LIN7A: variants seen among roughly 807,000 people sequenced by gnomAD.
The protein encoded by LIN7A is lin-7 cell polarity scaffold A.
Under a neutral mutation model 29.8 loss-of-function variants are expected in LIN7A, and 25 were observed. The observed-to-expected ratio is 0.84, with a 90% CI of 0.61 to 1.17. LIN7A has a LOEUF of 1.17. Ranked by LOEUF, LIN7A falls within the 50% of genes most tolerant of loss-of-function variation. LIN7A has a pLI of 0.00. For synonymous variants in LIN7A, 118 were observed against 107.5 expected (o/e 1.10, Z -0.60); for missense variants, 239 against 287.0 (o/e 0.83, Z 1.21).
chr12:80,811,222 A>G (rs963611007), intron 5 of LIN7A, among the ~76,000 whole-genome samples: 4 of 152,166 alleles, frequency 2.6e-5, no homozygotes, highest in Non-Finnish European at 4.4e-5. Flanking sequence ...TTTCCAAATT[A>G]TCTTATATTT....
chr12:80,880,751 G>GCACACACACA (rs202207302), intron 2 of LIN7A, among the ~76,000 whole-genome samples: 15 of 136,262 alleles, frequency 1.1e-4, no homozygotes, highest in African/African-American at 2.4e-4. Context: ...AGGAGGCAAC[G>GCACACACACA]CACACACACA....
intron 3 of LIN7A, chr12:80,848,043 C>G: frequency 1.5e-6 from 1 of 666,918 alleles, no homozygotes; most frequent in Admixed American, 2.1e-5. Flanking sequence ...AAATCATTCT[C>G]CTTTCTTAAG....
At chr12:80,924,280 A>G (rs985178810) in intron 1 of LIN7A, among the ~76,000 whole-genome samples, 3 of 152,314 alleles carry the variant, frequency 2.0e-5, no homozygotes, top group Middle Eastern at 3.4e-3. Context: ...TGGAGAGGGT[A>G]GCAATATTCA....
At chr12:80,891,694 A>T (rs1038849898) in intron 1 of LIN7A, among the ~76,000 whole-genome samples, 2 of 152,134 alleles carry the variant, frequency 1.3e-5, no homozygotes, top group East Asian at 3.9e-4. Context: ...TTGTCCATGG[A>T]TGTATAACAA....
Position 80,796,094 on chromosome 12 carries a change from G to C in LIN7A, c.*1633C>G, listed in dbSNP as rs1189884881. 4 of 152,168 alleles carry C rather than the reference G, an allele frequency of 2.6e-5. No homozygotes were observed. Among genetic ancestry groups the C allele is most frequent in the Non-Finnish European group, 5.9e-5 (4 of 68,000 alleles). 9.4% of individuals were successfully genotyped at this position (152,168 alleles called of 1,614,324 possible). ...CACCCAACAGGGCATAATAAAATGT[G>C]CTGGGTAGTTTTGATTGGTTTTGTT... On this transcript the variant is annotated 3_prime_UTR_variant, in exon 6 of 6. Coordinates refer to ENST00000552864, the MANE Select transcript of LIN7A (RefSeq NM_004664.4).
rs1870506056 is a variant in LIN7A, at chr12:80,797,513, TCA to T, written c.*212_*213del. 6.6e-6 allele frequency: 1 copy of T among 152,598 alleles called. No homozygotes were observed. Among genetic ancestry groups the T allele is most frequent in the Non-Finnish European group, 1.5e-5 (1 of 68,042 alleles). The allele number at this position is 152,598 out of a possible 1,614,324, so 9.5% of individuals were successfully genotyped here. ...AATTCCCACTGCAGTGAATGGAAGG[TCA>T]ATGTATGTAAAGCCCACGTGAGCAG... On this transcript the variant is annotated 3_prime_UTR_variant, in exon 6 of 6. Coordinates refer to ENST00000552864, the MANE Select transcript of LIN7A (RefSeq NM_004664.4).
At chr12:80,899,869 G>A (rs1369976243) in intron 1 of LIN7A, among the ~76,000 whole-genome samples, 3 of 143,132 alleles carry the variant, frequency 2.1e-5, no homozygotes, top group East Asian at 2.2e-4. Flanking sequence ...CCAGGTTCAC[G>A]CCATTCTCCT....
chr12:80,936,367 C>G (rs1878216554), intron 1 of LIN7A: 1 of 152,236 alleles, frequency 6.6e-6, no homozygotes. Flanking sequence ...TTAAAGTCAC[C>G]CACAGTCTCT....
chr12:80,808,715 CA>C (rs1187343613), intron 5 of LIN7A, among the ~76,000 whole-genome samples: 2 of 151,972 alleles, frequency 1.3e-5, no homozygotes, highest in African/African-American at 4.8e-5. Context: ...CCATGTTAGC[CA>C]GGATGGTCTT....
chr12:80,811,559 AG>A lies in LIN7A; in HGVS notation c.607del (p.Leu203TyrfsTer13). ...CTGCTGCCGACGCCTGGCTGTTCGT[AG>A]CTTTTCAAAGCGAGCCTCCATTTCT... is the stretch of plus-strand genomic sequence containing the variant. ...LEEMEARFEK[L>X]RTARRRQQQQ... On this transcript the variant is annotated frameshift_variant, in exon 5 of 6. Coordinates refer to ENST00000552864, the MANE Select transcript of LIN7A (RefSeq NM_004664.4). LOFTEE classifies it high-confidence loss of function. The A allele has an allele frequency of 6.2e-7, 1 of 1,613,974 alleles. No homozygotes were observed. Among genetic ancestry groups the A allele is most frequent in the Non-Finnish European group, 8.5e-7 (1 of 1,179,994 alleles).
chr12:80,806,072 T>C (rs1165317641), intron 5 of LIN7A, among the ~76,000 whole-genome samples: 1 of 151,684 alleles, frequency 6.6e-6, no homozygotes, highest in Non-Finnish European at 1.5e-5. Context: ...AGAGAGACTC[T>C]GTATTAAAAA....
intron 2 of LIN7A, among the ~76,000 whole-genome samples, chr12:80,880,945 A>G (rs1301722641): frequency 2.6e-5 from 4 of 152,182 alleles, no homozygotes; most frequent in African/African-American, 9.7e-5. Flanking sequence ...CCAGAGTTCA[A>G]GAGTAGGTTC....
intron 4 of LIN7A, among the ~76,000 whole-genome samples, chr12:80,825,908 T>C (rs565549258): frequency 6.6e-6 from 1 of 152,324 alleles, no homozygotes; most frequent in African/African-American, 2.4e-5. Context: ...CCAGGCAATT[T>C]AATATAAAAC....
chr12:80,900,079 C>A (rs1592935772), intron 1 of LIN7A, among the ~76,000 whole-genome samples: 1 of 152,010 alleles, frequency 6.6e-6, no homozygotes, highest in African/African-American at 2.4e-5. Flanking sequence ...TACTCTCTGA[C>A]GGGTTTTTGT....
At chr12:80,925,872 C>T (rs779353603) in intron 1 of LIN7A, among the ~76,000 whole-genome samples, 46 of 152,218 alleles carry the variant, frequency 3.0e-4, no homozygotes, top group Admixed American at 2.4e-3. Context: ...ATCCTCACAA[C>T]AATCTTGTAA....
chr12:80,819,446 A>G (rs1019074705), intron 4 of LIN7A, among the ~76,000 whole-genome samples: 2 of 152,216 alleles, frequency 1.3e-5, no homozygotes, highest in Non-Finnish European at 2.9e-5. Flanking sequence ...ATCTATCACA[A>G]GTGCACTATA....
intron 4 of LIN7A, among the ~76,000 whole-genome samples, chr12:80,832,270 G>T (rs1326866300): frequency 3.9e-5 from 6 of 152,128 alleles, no homozygotes; most frequent in African/African-American, 1.4e-4. Flanking sequence ...TATGATCTAC[G>T]TTTTCTTTAA....
intron 2 of LIN7A, among the ~76,000 whole-genome samples, chr12:80,851,072 G>A (rs7295683): frequency 0.77 from 116,819 of 152,056 alleles, 45,740 homozygotes; most frequent in East Asian, 0.97. Flanking sequence ...TCTTTCAACC[G>A]TATCAGACTT....
chr12:80,799,685 A>AACT (rs1870622180), intron 5 of LIN7A, among the ~76,000 whole-genome samples: 1 of 152,232 alleles, frequency 6.6e-6, no homozygotes, highest in East Asian at 1.9e-4. Flanking sequence ...TTCCTTAGGA[A>AACT]ACTAGAAAAA....
Sources: gnomAD v4.1 joint callset for allele counts (sites outside exome capture counted in the v4.1 genomes callset) on GRCh38, gnomAD v4.1.1 for gene constraint, MANE v1.5 for transcripts, NCBI Gene and HGNC (gene_info 2026-07-23, HGNC 2026-07-21) for gene names.